Variants in INO80C observed in about 807,000 individuals in gnomAD.
INO80C encodes IES6 homolog.
A neutral mutation model predicts 17.7 loss-of-function variants in INO80C; 17 were observed. The ratio of observed to expected loss-of-function variants is 0.96; its 90% CI spans 0.66 to 1.44. The LOEUF (loss-of-function observed/expected upper bound fraction) is 1.44, where lower values mean the gene tolerates loss of function less well. Among genes scored for constraint, INO80C ranks in the 40% most tolerant of loss-of-function variants. The pLI is 0.00. For synonymous variants in INO80C, 96 were observed against 95.8 expected (o/e 1.00, Z -0.01); for missense variants, 244 against 245.0 (o/e 1.00, Z 0.03).
intron 1 of INO80C, among the ~76,000 whole-genome samples, chr18:35,493,073 CACTA>C (rs2045947715): frequency 6.6e-6 from 1 of 152,160 alleles, no homozygotes; most frequent in African/African-American, 2.4e-5. Context: ...CGAATCCCGA[CACTA>C]ACACTGTGTG....
chr18:35,480,078 C>T (rs1245058464), intron 2 of INO80C, among the ~76,000 whole-genome samples: 1 of 152,164 alleles, frequency 6.6e-6, no homozygotes, highest in Non-Finnish European at 1.5e-5. Context: ...TTCTACTCCA[C>T]AGCACAACAG....
rs1567992640 is a variant in INO80C at position 35,497,890 on chromosome 18, C to T, written c.-16G>A. On this transcript the variant is annotated 5_prime_UTR_variant, in exon 1 of 5. Transcript: ENST00000334598. Reference sequence around the variant, plus strand: ...GCGCCGCCATCGCACTCCGAGTCTTCCCCTGGTCCCCCCACCTTTTTCCCA... The same window carrying T: ...GCGCCGCCATCGCACTCCGAGTCTTTCCCTGGTCCCCCCACCTTTTTCCCA... 6.6e-7 allele frequency: 1 copy of T among 1,526,112 alleles called. No homozygotes were observed. The highest frequency in any genetic ancestry group is 8.8e-7 in the Non-Finnish European group (1 of 1,134,838). 94.5% of individuals were successfully genotyped at this position (1,526,112 alleles called of 1,614,324 possible).
At chr18:35,471,873 A>C (rs1208999754) in intron 4 of INO80C, among the ~76,000 whole-genome samples, 1 of 148,686 alleles carries the variant, frequency 6.7e-6, no homozygotes, top group Non-Finnish European at 1.5e-5. Context: ...TGTCCTTGTG[A>C]TAGTTTGCTC....
chr18:35,476,780 C>G (rs2045742340), intron 4 of INO80C, among the ~76,000 whole-genome samples: 1 of 152,162 alleles, frequency 6.6e-6, no homozygotes, highest in African/African-American at 2.4e-5. Flanking sequence ...GTTGGGAGAT[C>G]ACTTGAGCCA....
At position 35,497,921 on chromosome 18, in the gene INO80C, G is replaced by A; in HGVS notation, c.-47C>T. 6.7e-7 allele frequency: 1 copy of A among 1,481,824 alleles called. No individual in the cohort carries two copies. Among genetic ancestry groups the A allele is most frequent in the Non-Finnish European group, 9.0e-7 (1 of 1,115,100 alleles). The allele number at this position is 1,481,824 out of a possible 1,614,324, so 91.8% of individuals were successfully genotyped here. A position where few individuals can be genotyped will look rare whatever the true frequency, so the allele number is the denominator to read the frequency against. On this transcript the variant is annotated 5_prime_UTR_variant, in exon 1 of 5. Transcript: ENST00000334598. Reference sequence around the variant, plus strand: ...GTCCCCCCACCTTTTTCCCAGCGCGGGCCTTGGAACTTCCTTTCCGCTGTT... The same window carrying A: ...GTCCCCCCACCTTTTTCCCAGCGCGAGCCTTGGAACTTCCTTTCCGCTGTT...
At chr18:35,490,072 C>A (rs1251062502) in intron 1 of INO80C, among the ~76,000 whole-genome samples, 1 of 152,100 alleles carries the variant, frequency 6.6e-6, no homozygotes, top group Non-Finnish European at 1.5e-5. Flanking sequence ...GAGGTCATGA[C>A]TCCTGGTTCC....
At chr18:35,496,050 C>T (rs2045977807) in intron 1 of INO80C, among the ~76,000 whole-genome samples, 1 of 152,230 alleles carries the variant, frequency 6.6e-6, no homozygotes, top group African/African-American at 2.4e-5. Context: ...CTGGCACTCT[C>T]ATACTTTGCC....
intron 2 of INO80C, among the ~76,000 whole-genome samples, chr18:35,479,770 T>C (rs368915211): frequency 6.6e-6 from 1 of 152,042 alleles, no homozygotes. Context: ...CAGATTTAAA[T>C]CCAGGACTGC....
intron 4 of INO80C, among the ~76,000 whole-genome samples, chr18:35,470,966 G>A (rs2045662576): frequency 6.6e-6 from 1 of 152,228 alleles, no homozygotes; most frequent in African/African-American, 2.4e-5. Flanking sequence ...TAGGGTGACA[G>A]GCAGTATTCA....
At chr18:35,485,624 TA>T (rs910587706) in intron 1 of INO80C, among the ~76,000 whole-genome samples, 42 of 146,902 alleles carry the variant, frequency 2.9e-4, no homozygotes, top group South Asian at 8.6e-4. Context: ...AAAACACCAT[TA>T]AAAAAAAAAC....
At chr18:35,495,081 T>C (rs1468003289) in intron 1 of INO80C, among the ~76,000 whole-genome samples, 1 of 152,202 alleles carries the variant, frequency 6.6e-6, no homozygotes, top group Non-Finnish European at 1.5e-5. Context: ...TATGCCTGCT[T>C]ATTTCCTATA....
rs556959637 is a variant in INO80C, at chr18:35,483,059, A to G, written c.157-2496T>C. ...TTTCTGGTGCGATATCCATTTAGCC[A>G]TTTTCTATACAGCAAAAAGAGTCTC... On this transcript the variant is annotated intron_variant, in intron 1 of 4. Coordinates refer to ENST00000334598, the MANE Select transcript of INO80C (RefSeq NM_194281.4). Among the ~76,000 whole-genome samples, 13 of 152,196 alleles carry G rather than the reference A, an allele frequency of 8.5e-5. No homozygotes were observed. In the East Asian group the frequency reaches 2.5e-3, roughly 29 times the overall value.
intron 1 of INO80C, among the ~76,000 whole-genome samples, chr18:35,496,554 AGTTTTGTTTT>A (rs369834850): frequency 3.3e-5 from 5 of 152,110 alleles, no homozygotes; most frequent in East Asian, 1.9e-4. Flanking sequence ...CTGGATCTGT[AGTTTTGTTTT>A]GTTTTGTTTT....
At chr18:35,497,693 C>T in intron 1 of INO80C, 26 bp downstream of exon 1, 1 of 1,601,428 alleles carries the variant, frequency 6.2e-7, no homozygotes, top group Non-Finnish European at 8.5e-7. Context: ...GACGCGCACG[C>T]GCAGCCTGGG....
At chr18:35,474,902 GCAAA>G (rs1057510954) in intron 4 of INO80C, among the ~76,000 whole-genome samples, 17 of 152,110 alleles carry the variant, frequency 1.1e-4, no homozygotes, top group Admixed American at 5.9e-4. Context: ...GTTTTTAAAA[GCAAA>G]CAAACCAGAA....
rs201610623 is a variant in INO80C at position 35,468,750 on chromosome 18, A to G, written c.448-8T>C. 2.6e-4 allele frequency: 421 copies of G among 1,613,526 alleles called. No homozygotes were observed. The highest frequency in any genetic ancestry group is 3.5e-4 in the Non-Finnish European group (407 of 1,179,534). On this transcript the variant is annotated splice_region_variant and splice_polypyrimidine_tract_variant and intron_variant, in intron 4 of 4. Coordinates refer to ENST00000334598, the MANE Select transcript of INO80C (RefSeq NM_194281.4). ...GGGGTCTGTGTAGTTGGCCTGGGTG[A>G]AAAGAGGCACAGGGAAGGGCAGAAA... is the stretch of plus-strand genomic sequence containing the variant.
At chr18:35,482,487 C>T (rs1313037078) in intron 1 of INO80C, among the ~76,000 whole-genome samples, 1 of 152,122 alleles carries the variant, frequency 6.6e-6, no homozygotes, top group Non-Finnish European at 1.5e-5. Flanking sequence ...GTGCTCTCTC[C>T]TCAAACACCT....
Position 35,480,512 on chromosome 18 carries a change from T to C in INO80C, c.208A>G (p.Ser70Gly), listed in dbSNP as rs2045794116. ...SENKMVPSEF[S>G]TGPVEKAAKP... ...GCAGCTTTTTCCACAGGTCCTGTGC[T>C]AAACTCAGAGGGCACCATTTTATTC... is the stretch of plus-strand genomic sequence containing the variant. Residue 70 changes from serine to glycine, a missense_variant, in exon 2 of 5, where the codon AGC becomes GGC. Transcript: ENST00000334598. 6.2e-7 allele frequency: 1 copy of C among 1,614,180 alleles called. No homozygotes were observed. Among genetic ancestry groups the C allele is most frequent in the Non-Finnish European group, 8.5e-7 (1 of 1,179,964 alleles).
intron 4 of INO80C, among the ~76,000 whole-genome samples, chr18:35,474,205 G>GTGTATATA (rs1182452867): frequency 1.1e-4 from 3 of 27,234 alleles, no homozygotes; most frequent in Admixed American, 5.0e-4. Context: ...GTGTGTGTGT[G>GTGTATATA]TCTATATATA....
Sources: allele counts gnomAD v4.1 joint callset (sites outside exome capture counted in the v4.1 genomes callset), GRCh38; gene constraint gnomAD v4.1.1; transcripts MANE v1.5; gene names NCBI Gene and HGNC (gene_info 2026-07-23, HGNC 2026-07-21).